IP6K2: variants seen among roughly 807,000 people sequenced by gnomAD.
IP6K2 encodes ATP:1D-myo-inositol-hexakisphosphate phosphotransferase.
IP6K2 carries 9 observed loss-of-function variants against 43.3 expected under a neutral mutation model. That is an observed-to-expected ratio of 0.21 (90% CI 0.13 to 0.36). IP6K2 has a LOEUF of 0.36. Among genes scored for constraint, IP6K2 ranks in the 10% least tolerant of loss-of-function variants. The pLI, the probability that IP6K2 is intolerant of heterozygous loss-of-function variation, is 1.00. For synonymous variants in IP6K2, 209 were observed against 202.4 expected (o/e 1.03, Z -0.28); for missense variants, 332 against 538.4 (o/e 0.62, Z 3.79).
rs536195288 is a variant in IP6K2 at position 48,700,818 on chromosome 3, A to T, written c.-130-5397T>A. Reference sequence around the variant, plus strand: ...AAGCCCCAGGGTCAGGCAGTCACAGAGGGGTGGCATAAGGCACACTATACT... The same window carrying T: ...AAGCCCCAGGGTCAGGCAGTCACAGTGGGGTGGCATAAGGCACACTATACT... On this transcript the variant is annotated intron_variant, in intron 1 of 5. Transcript: ENST00000328631. Among the ~76,000 whole-genome samples, 3 of 152,252 alleles carry T rather than the reference A, an allele frequency of 2.0e-5. No individual in the cohort carries two copies. The South Asian group carries it at 6.2e-4, about 32-fold the overall frequency.
Position 48,688,191 on chromosome 3 carries a change from G to C in IP6K2, c.*82C>G, listed in dbSNP as rs2077498652. On this transcript the variant is annotated 3_prime_UTR_variant, in exon 6 of 6. Transcript: ENST00000328631. This position sits in a 1 kb window ranked among gnomAD's most constrained non-coding sequence, Gnocchi z 5.1. ...TCCAGGCTGCAGGAGCCACCACCTG[G>C]CCATACTGGCTTCCTCCCTGACGCA... 6.7e-7 allele frequency: 1 copy of C among 1,501,972 alleles called. No homozygotes were observed. The highest frequency in any genetic ancestry group is 1.4e-5 in the African/African-American group (1 of 72,960). 93.0% of individuals were successfully genotyped at this position (1,501,972 alleles called of 1,614,324 possible). A position where few individuals can be genotyped will look rare whatever the true frequency, so the allele number is the denominator to read the frequency against.
At chr3:48,694,509 G>A (rs901290999) in intron 2 of IP6K2, 2 of 1,542,188 alleles carry the variant, frequency 1.3e-6, no homozygotes, top group Admixed American at 4.2e-5. Flanking sequence ...CACCATGCTG[G>A]TGGCTGCTGA....
Position 48,688,712 on chromosome 3 carries a change from G to A in IP6K2, c.842C>T (p.Ser281Leu). Residue 281 changes from serine (S) to leucine (L), a missense_variant, in exon 6 of 6, where the codon TCG (serine) becomes TTG (leucine). Transcript: ENST00000328631. This position sits in a 1 kb window ranked among gnomAD's most constrained non-coding sequence, Gnocchi z 5.1. ...AAGTGCCTCCTTGAAGCCCTGCACCGATAGCTTCCGTCCATGGTACTTGTT... is the reference window on the plus strand; with the variant it reads ...AAGTGCCTCCTTGAAGCCCTGCACCAATAGCTTCCGTCCATGGTACTTGTT... ...FMNKYHGRKL[S>L]VQGFKEALFQ... The A allele has an allele frequency of 2.5e-6, 4 of 1,614,122 alleles. No homozygotes were observed. The highest frequency in any genetic ancestry group is 3.4e-6 in the Non-Finnish European group (4 of 1,179,988).
chr3:48,712,249 T>TC lies in IP6K2; in HGVS notation c.-131+4907_-131+4908insG, dbSNP rs1405323196. Among the ~76,000 whole-genome samples, 9 of 150,790 alleles carry TC rather than the reference T, an allele frequency of 6.0e-5. No individual in the cohort carries two copies. In the East Asian group the frequency reaches 1.6e-3, roughly 26 times the overall value. On this transcript the variant is annotated intron_variant, in intron 1 of 5. Coordinates refer to ENST00000328631, the MANE Select transcript of IP6K2 (RefSeq NM_016291.4). The stretch of plus-strand genomic sequence containing the variant: ...TGTCTCTACAAAAAAAAAATTTTTT[T>TC]TTTTTTTTTTTGAGACAGAGTCTTG...
At chr3:48,702,230 C>CA (rs1056450128) in intron 1 of IP6K2, among the ~76,000 whole-genome samples, 83 of 149,324 alleles carry the variant, frequency 5.6e-4, no homozygotes, top group African/African-American at 1.6e-3. Flanking sequence ...GACTCCATGT[C>CA]AAAAAAAAAT....
chr3:48,698,516 C>T (rs1019895210), intron 1 of IP6K2, among the ~76,000 whole-genome samples: 1 of 152,286 alleles, frequency 6.6e-6, no homozygotes, highest in East Asian at 1.9e-4. Context: ...GTTGCCCAGG[C>T]TGGAGTGCAG....
intron 3 of IP6K2, among the ~76,000 whole-genome samples, chr3:48,692,354 G>A (rs2077874305): frequency 6.6e-6 from 1 of 152,192 alleles, no homozygotes; most frequent in African/African-American, 2.4e-5. Flanking sequence ...CCCCAGCCCT[G>A]TATGTGGAGA....
chr3:48,709,591 C>T (rs1456228311), intron 1 of IP6K2, among the ~76,000 whole-genome samples: 1 of 152,214 alleles, frequency 6.6e-6, no homozygotes, highest in Non-Finnish European at 1.5e-5. Context: ...GTAATCCCAG[C>T]ACTTTGGGAG....
intron 1 of IP6K2, among the ~76,000 whole-genome samples, chr3:48,713,178 G>C (rs1285972122): frequency 6.6e-6 from 1 of 152,188 alleles, no homozygotes; most frequent in Non-Finnish European, 1.5e-5. Context: ...TACTGAAGGG[G>C]GATGCGAGAT....
chr3:48,706,711 G>A (rs1226368742), intron 1 of IP6K2, among the ~76,000 whole-genome samples: 1 of 151,872 alleles, frequency 6.6e-6, no homozygotes, highest in Non-Finnish European at 1.5e-5. Flanking sequence ...GTAGTGGCAC[G>A]GGCCCATAGT....
intron 1 of IP6K2, among the ~76,000 whole-genome samples, chr3:48,707,079 G>A (rs1281398923): frequency 6.6e-6 from 1 of 151,978 alleles, no homozygotes; most frequent in East Asian, 1.9e-4. Context: ...ATAAGCTTCA[G>A]ACACCACAAA....
intron 1 of IP6K2, among the ~76,000 whole-genome samples, chr3:48,697,323 G>T (rs954654070): frequency 8.6e-5 from 13 of 150,462 alleles, no homozygotes; most frequent in Admixed American, 7.9e-4. Context: ...CCGGCCAGTT[G>T]TTTTTTCATT....
intron 3 of IP6K2, among the ~76,000 whole-genome samples, chr3:48,691,803 A>AAAT (rs1559508692): frequency 7.2e-4 from 108 of 150,520 alleles, no homozygotes; most frequent in African/African-American, 2.6e-3. Flanking sequence ...AAAGACTCAA[A>AAAT]AAATAAATAA....
intron 1 of IP6K2, among the ~76,000 whole-genome samples, chr3:48,704,530 G>A (rs994558321): frequency 2.0e-5 from 3 of 151,208 alleles, no homozygotes; most frequent in Non-Finnish European, 2.9e-5. Flanking sequence ...GTGCAGTGGC[G>A]TAATCTCAGC....
intron 5 of IP6K2, among the ~76,000 whole-genome samples, chr3:48,689,214 G>A (rs975220302): frequency 1.3e-5 from 2 of 152,166 alleles, no homozygotes; most frequent in Non-Finnish European, 2.9e-5. Context: ...GTGCAATGGC[G>A]TGATCTCAGC....
At chr3:48,694,907 G>A (rs1380945481) in intron 2 of IP6K2, 183 bp downstream of exon 2, 7 of 1,543,786 alleles carry the variant, frequency 4.5e-6, no homozygotes, top group Non-Finnish European at 6.1e-6. Context: ...TCTTACCAGG[G>A]ATTGAAAACT....
chr3:48,714,967 C>T (rs1223528895), intron 1 of IP6K2, among the ~76,000 whole-genome samples: 1 of 151,544 alleles, frequency 6.6e-6, no homozygotes, highest in Non-Finnish European at 1.5e-5. Context: ...CCCAAATCAA[C>T]TGTGCATCAT....
intron 1 of IP6K2, among the ~76,000 whole-genome samples, chr3:48,713,550 G>A (rs2080804115): frequency 6.6e-6 from 1 of 152,202 alleles, no homozygotes; most frequent in Non-Finnish European, 1.5e-5. Flanking sequence ...TAACTAACAT[G>A]TTTTATTCCA....
At chr3:48,714,847 C>CAAAA (rs61218247) in intron 1 of IP6K2, among the ~76,000 whole-genome samples, 12 of 99,864 alleles carry the variant, frequency 1.2e-4, no homozygotes, top group East Asian at 5.5e-4. Context: ...GACTCCGTCT[C>CAAAA]AAAAAAAAAA....
Sources: allele counts gnomAD v4.1 joint callset (sites outside exome capture counted in the v4.1 genomes callset), GRCh38; gene constraint gnomAD v4.1.1; non-coding constraint Gnocchi (gnomAD v3.1); transcripts MANE v1.5; gene names NCBI Gene and HGNC (gene_info 2026-07-23, HGNC 2026-07-21).